The following ACY3 variants were observed in gnomAD, a reference collection of about 807,000 sequenced individuals.
ACY3 encodes the protein N-acyl-aromatic-L-amino acid amidohydrolase (carboxylate-forming).
A neutral mutation model predicts 24.6 loss-of-function variants in ACY3; 20 were observed. That is an observed-to-expected ratio of 0.81 (90% CI 0.57 to 1.18). The LOEUF is 1.18. ACY3 is among the 50% of genes most tolerant of loss of function. The probability of loss-of-function intolerance (pLI) is 0.00; values close to 1 mark genes in which losing one functional copy is unlikely to be tolerated. For synonymous variants in ACY3, 174 were observed against 188.4 expected (o/e 0.92, Z 0.62); for missense variants, 423 against 426.8 (o/e 0.99, Z 0.08).
At chr11:67,645,001 G>C in intron 6 of ACY3, 44 bp downstream of exon 6, 1 of 1,603,054 alleles carries the variant, frequency 6.2e-7, no homozygotes, top group Non-Finnish European at 8.5e-7. Context: ...AGCCAGACCT[G>C]CTCTTCCCCG....
intron 2 of ACY3, among the ~76,000 whole-genome samples, 154 bp downstream of exon 2, chr11:67,647,362 A>G (rs981792727): frequency 6.6e-6 from 1 of 152,192 alleles, no homozygotes; most frequent in African/African-American, 2.4e-5. Context: ...GCTCCTTTTT[A>G]TAGACAGGGA....
At position 67,642,761 on chromosome 11, in the gene ACY3, A is replaced by G. The variant is rs779695753; in HGVS notation, c.923T>C (p.Met308Thr). The stretch of plus-strand genomic sequence containing the variant: ...GCTCGGGGCAGGGGTCAGCGCGGGC[A>G]TGGCAGGCACGGTGAATGTGAACTT... ...TEKFTFTVPA[M>T]PALTPAPSPA... is the part of the protein sequence containing the mutation. Residue 308 changes from methionine to threonine, a missense_variant, in exon 8 of 8, where the codon ATG becomes ACG. Physicochemically the swap from Met to Thr is moderately conservative, Grantham distance 81. Transcript: ENST00000255082. The G allele has an allele frequency of 1.9e-6, 3 of 1,614,044 alleles. No homozygotes were observed.
rs770352612 is a variant in ACY3, at chr11:67,645,030, C to T, written c.634+15G>A. ...TTCCCCGGACCTGTTTCCCGAAAGT[C>T]CCCTGGGGTCTCACCCTGGTTGAAG... On this transcript the variant is annotated intron_variant, in intron 6 of 7. Coordinates refer to ENST00000255082, the MANE Select transcript of ACY3 (RefSeq NM_080658.2). The T allele has an allele frequency of 1.9e-6, 3 of 1,612,996 alleles. No homozygotes were observed. In the South Asian group the frequency reaches 3.3e-5, roughly 18 times the overall value.
chr11:67,645,625 T>C, intron 4 of ACY3, 67 bp downstream of exon 4: 1 of 1,517,458 alleles, frequency 6.6e-7, no homozygotes, highest in Non-Finnish European at 8.9e-7. Flanking sequence ...GGTTCCAGCA[T>C]TGTCCCGCCT....
intron 1 of ACY3, among the ~76,000 whole-genome samples, chr11:67,647,965 G>A (rs759963042): frequency 5.9e-5 from 9 of 152,190 alleles, no homozygotes; most frequent in Admixed American, 1.3e-4. Context: ...TCACCACCTC[G>A]GCAACATGCC....
At chr11:67,649,798 T>C (rs563785034) in intron 1 of ACY3, among the ~76,000 whole-genome samples, 2 of 147,126 alleles carry the variant, frequency 1.4e-5, no homozygotes, top group South Asian at 2.2e-4. Context: ...TGCATGTGCA[T>C]GAGAGTATTG....
chr11:67,645,873 G>C lies in ACY3; in HGVS notation c.251C>G (p.Pro84Arg), dbSNP rs375146942. 1.2e-6 allele frequency: 2 copies of C among 1,605,052 alleles called. No individual in the cohort carries two copies. The highest frequency in any genetic ancestry group is 1.7e-6 in the Non-Finnish European group (2 of 1,175,262). ...TCTTGTCACCTCATATGGGTCGTCC[G>C]GGGTGGGCCTGGAACTGTGGAGACG... ...TSSFLNSRPT[P>R]DDPYEVTRAR... Residue 84 changes from proline to arginine, a missense_variant, in exon 4 of 8, where the codon CCG becomes CGG. Physicochemically the swap from Pro to Arg is moderately radical, Grantham distance 103 (BLOSUM62 -2). Coordinates refer to ENST00000255082, the MANE Select transcript of ACY3 (RefSeq NM_080658.2).
Position 67,646,790 on chromosome 11 carries a change from G to C in ACY3, c.236+18C>G, listed in dbSNP as rs762301987. 5.5e-5 allele frequency: 89 copies of C among 1,609,876 alleles called. No homozygotes were observed. The highest frequency in any genetic ancestry group is 7.2e-5 in the Non-Finnish European group (85 of 1,178,456). On this transcript the variant is annotated intron_variant, in intron 3 of 7. Coordinates refer to ENST00000255082, the MANE Select transcript of ACY3 (RefSeq NM_080658.2). ...GGTGCCCAACTGCCTGGGCCAACCTGGCGGCAAAAGCACTCACTTGAGGAA... is the reference window on the plus strand; with the variant it reads ...GGTGCCCAACTGCCTGGGCCAACCTCGCGGCAAAAGCACTCACTTGAGGAA...
In ACY3 at chr11:67,645,118, C is replaced by A. The variant is rs1173347259; in HGVS notation, c.561G>T (p.Leu187=). The A allele has an allele frequency of 2.5e-6, 4 of 1,613,560 alleles. No homozygotes were observed. Among genetic ancestry groups the A allele is most frequent in the Non-Finnish European group, 3.4e-6 (4 of 1,179,886 alleles). ...LELGPQPQGV[L]RADIFSRMRT... ...TCATCCTTGAGAAAATGTCAGCCCG[C>A]AGCACACCCTGTGGCTGGGGGCCCA... Residue 187 remains leucine, a synonymous_variant, in exon 6 of 8, where the codon CTG becomes CTT. Coordinates refer to ENST00000255082, the MANE Select transcript of ACY3 (RefSeq NM_080658.2).
At chr11:67,645,970 T>C in intron 3 of ACY3, 83 bp from the exon 4 acceptor site, 2 of 1,372,512 alleles carry the variant, frequency 1.5e-6, no homozygotes, top group South Asian at 1.4e-5. Context: ...GCAGGGGCCC[T>C]GCAGGAGCCA....
rs1254185440 is a variant in ACY3 at position 67,650,596 on chromosome 11, G to C, written c.-108C>G. 2 of 152,200 alleles carry C rather than the reference G, an allele frequency of 1.3e-5. No homozygotes were observed. The highest frequency in any genetic ancestry group is 2.4e-5 in the African/African-American group (1 of 41,450). The allele number at this position is 152,200 out of a possible 1,614,324, so 9.4% of individuals were successfully genotyped here. On this transcript the variant is annotated 5_prime_UTR_variant, in exon 1 of 8. Transcript: ENST00000255082. ...GGGCGAACTCACCCACGTGGCCCCA[G>C]AGGGTTGAGGGTGACTCCCGGGGAT...
At position 67,643,811 on chromosome 11, in the gene ACY3, G is replaced by A. The variant is rs888135372; in HGVS notation, c.745-872C>T. On this transcript the variant is annotated intron_variant, in intron 7 of 7. Coordinates refer to ENST00000255082, the MANE Select transcript of ACY3 (RefSeq NM_080658.2). ...GGAGTTCGAGACCAGCCTGGCCAACGTGGTGAAACCCTGTCTGTACTAAAA... is the reference window on the plus strand; with the variant it reads ...GGAGTTCGAGACCAGCCTGGCCAACATGGTGAAACCCTGTCTGTACTAAAA... 2.6e-5 allele frequency among the ~76,000 whole-genome samples: 4 copies of A among 151,576 alleles called. No homozygotes were observed. The East Asian group carries it at 5.8e-4, about 22-fold the overall frequency.
intron 2 of ACY3, 99 bp from the exon 3 acceptor site, chr11:67,647,162 C>T: frequency 1.1e-6 from 1 of 894,346 alleles, no homozygotes; most frequent in South Asian, 1.9e-5. Flanking sequence ...AGCCACCTGT[C>T]AAGAGGTGTG....
chr11:67,649,595 TGTGTGTGC>T (rs1174455678), intron 1 of ACY3, among the ~76,000 whole-genome samples: 1 of 148,704 alleles, frequency 6.7e-6, no homozygotes. Context: ...CATGAGAGCA[TGTGTGTGC>T]GTGTGTGCAC....
Position 67,645,399 on chromosome 11 carries a change from G to A in ACY3, c.433-19C>T, listed in dbSNP as rs1349067596. On this transcript the variant is annotated intron_variant, in intron 4 of 7. Coordinates refer to ENST00000255082, the MANE Select transcript of ACY3 (RefSeq NM_080658.2). ...ACTGCAGCTGGGGGCGAGAGAGGCA[G>A]GTTAGGGGCCCAGGCCTACTTGGGA... 1.9e-5 allele frequency: 30 copies of A among 1,610,084 alleles called. No homozygotes were observed. Among genetic ancestry groups the A allele is most frequent in the Non-Finnish European group, 2.5e-5 (29 of 1,178,540 alleles).
chr11:67,649,687 G>T (rs1016751781), intron 1 of ACY3, among the ~76,000 whole-genome samples: 21 of 151,176 alleles, frequency 1.4e-4, no homozygotes, highest in African/African-American at 4.9e-4. Context: ...AGTATTGTGT[G>T]CATGTGTGCA....
At position 67,645,125 on chromosome 11, in the gene ACY3, C is replaced by T. The variant is rs748792989; in HGVS notation, c.554G>A (p.Gly185Asp). Residue 185 changes from glycine (G) to aspartate (D), a missense_variant, in exon 6 of 8, where the codon GGT becomes GAT. Coordinates refer to ENST00000255082, the MANE Select transcript of ACY3 (RefSeq NM_080658.2). ...LGLELGPQPQ[G>D]VLRADIFSRM... Reference sequence around the variant, plus strand: ...TGAGAAAATGTCAGCCCGCAGCACACCCTGTGGCTGGGGGCCCAGCTCCAG... The same window carrying T: ...TGAGAAAATGTCAGCCCGCAGCACATCCTGTGGCTGGGGGCCCAGCTCCAG... The T allele has an allele frequency of 1.2e-6, 2 of 1,613,162 alleles. No homozygotes were observed. The highest frequency in any genetic ancestry group is 8.5e-7 in the Non-Finnish European group (1 of 1,179,760).
rs528749473 is a variant in ACY3 at position 67,649,690 on chromosome 11, T to C, written c.-95+893A>G. Among the ~76,000 whole-genome samples, 7 of 150,050 alleles carry C rather than the reference T, an allele frequency of 4.7e-5. No individual in the cohort carries two copies. In the East Asian group the frequency reaches 7.9e-4, roughly 17 times the overall value. ...TGCATGTGCATGAGTATTGTGTGCA[T>C]GTGTGCATGTATGTGTACATGTGTG... On this transcript the variant is annotated intron_variant, in intron 1 of 7. Transcript: ENST00000255082.
chr11:67,644,261 GTTC>G (rs1344172581), intron 7 of ACY3, among the ~76,000 whole-genome samples: 2 of 152,256 alleles, frequency 1.3e-5, no homozygotes, highest in Admixed American at 6.5e-5. Flanking sequence ...CAGCCAGTAC[GTTC>G]TTCTCAGGCA....
Sources: allele counts gnomAD v4.1 joint callset (sites outside exome capture counted in the v4.1 genomes callset), GRCh38; gene constraint gnomAD v4.1.1; transcripts MANE v1.5; gene names NCBI Gene and HGNC (gene_info 2026-07-23, HGNC 2026-07-21).